RELN: variants seen among roughly 807,000 people sequenced by gnomAD.
The protein encoded by RELN is reelin.
Under a neutral mutation model 427.6 loss-of-function variants are expected in RELN, and 108 were observed. The observed-to-expected ratio is 0.25, with a 90% confidence interval of 0.22 to 0.30. RELN has a LOEUF of 0.30. Ranked by LOEUF, RELN falls within the 10% of genes least tolerant of loss-of-function variation. The pLI is 1.00. For synonymous variants in RELN, 1,524 were observed against 1,513.4 expected (o/e 1.01, Z -0.16); for missense variants, 3,715 against 4,302.8 (o/e 0.86, Z 3.82).
intron 2 of RELN, among the ~76,000 whole-genome samples, chr7:103,839,413 AG>A (rs1204955140): frequency 6.6e-6 from 1 of 151,156 alleles, no homozygotes; most frequent in Admixed American, 6.6e-5. Context: ...TGCAACTATT[AG>A]AAATCCATTG....
intron 8 of RELN, among the ~76,000 whole-genome samples, chr7:103,721,808 G>T (rs573151512): frequency 1.3e-5 from 2 of 152,032 alleles, no homozygotes; most frequent in Non-Finnish European, 1.5e-5. Flanking sequence ...CCATTATTCA[G>T]CTTATGTTAT....
At position 103,652,716 on chromosome 7, in the gene RELN, G is replaced by A; in HGVS notation, c.1598C>T (p.Thr533Ile). 1 of 1,612,876 alleles carries A rather than the reference G, an allele frequency of 6.2e-7. No homozygotes were observed. The highest frequency in any genetic ancestry group is 8.5e-7 in the Non-Finnish European group (1 of 1,179,216). ...VSVVINPELQ[T>I]PATKFCLRQK... Reference sequence around the variant, plus strand: ...CCTGAGACAAAATTTGGTAGCAGGAGTCTGAAGTTCAGGATTGATGACCAC... The same window carrying A: ...CCTGAGACAAAATTTGGTAGCAGGAATCTGAAGTTCAGGATTGATGACCAC... Residue 533 changes from threonine (T) to isoleucine (I), a missense_variant, in exon 14 of 65, where the codon ACT (threonine) becomes ATT (isoleucine). This residue lies in a region of RELN where 2,208 missense variants were observed against 2,361.7 expected (regional missense o/e 0.93). Coordinates refer to ENST00000428762, the MANE Select transcript of RELN (RefSeq NM_005045.4).
intron 1 of RELN, among the ~76,000 whole-genome samples, chr7:103,963,797 G>A (rs1796609576): frequency 6.6e-6 from 1 of 152,142 alleles, no homozygotes; most frequent in African/African-American, 2.4e-5. Context: ...GTAGAGTGCA[G>A]ATAGTTAAGT....
chr7:103,919,889 A>G (rs1795574666), intron 1 of RELN, among the ~76,000 whole-genome samples: 2 of 152,218 alleles, frequency 1.3e-5, no homozygotes, highest in African/African-American at 4.8e-5. Context: ...TGAGGTTCAC[A>G]CTTGTGAATG....
chr7:103,481,864 C>T (rs1237104694), intron 63 of RELN: 1 of 152,188 alleles, frequency 6.6e-6, no homozygotes, highest in Non-Finnish European at 1.5e-5. Context: ...TTACTTTAAA[C>T]TTCAACTTTG....
chr7:103,807,538 G>A (rs1792629728), intron 3 of RELN, among the ~76,000 whole-genome samples: 1 of 152,068 alleles, frequency 6.6e-6, no homozygotes, highest in Admixed American at 6.6e-5. Flanking sequence ...ACTGAGGCTT[G>A]GTGTACCAAT....
intron 63 of RELN, among the ~76,000 whole-genome samples, chr7:103,479,125 G>A (rs1037650364): frequency 6.6e-6 from 1 of 152,160 alleles, no homozygotes; most frequent in Non-Finnish European, 1.5e-5. Flanking sequence ...ACACATGACA[G>A]GTGTGACTTA....
chr7:103,650,526 A>G, intron 15 of RELN, 143 bp from the exon 16 acceptor site: 2 of 714,278 alleles, frequency 2.8e-6, no homozygotes, highest in South Asian at 3.0e-5. Context: ...TCACTTGTGG[A>G]ATTTGTTTGT....
chr7:103,620,475 ATT>A lies in RELN; in HGVS notation c.2703-8674_2703-8673del, dbSNP rs67744980. On this transcript the variant is annotated intron_variant, in intron 20 of 64. Transcript: ENST00000428762. The surrounding 1 kb of genome is among the most constrained non-coding windows in gnomAD (Gnocchi z 4.1). The stretch of plus-strand genomic sequence containing the variant: ...GTTGAAGATAACTCACCCGATCCAC[ATT>A]TTTTTTTTTTTTTTGAGATAGAGTC... Among the ~76,000 whole-genome samples the A allele has an allele frequency of 6.2e-3, 853 of 137,794 alleles. 4 individuals carry two copies. Among genetic ancestry groups the A allele is most frequent in the African/African-American group, 0.018 (661 of 36,774 alleles). The allele number at this position is 137,794 out of a possible 152,430, so 90.4% of individuals were successfully genotyped here.
At chr7:103,926,147 C>T (rs1795730636) in intron 1 of RELN, among the ~76,000 whole-genome samples, 1 of 128,580 alleles carries the variant, frequency 7.8e-6, no homozygotes. Flanking sequence ...TGTCTCCAGG[C>T]TGGAGTGCAG....
chr7:103,768,545 T>C (rs1353091926), intron 4 of RELN, among the ~76,000 whole-genome samples: 1 of 152,312 alleles, frequency 6.6e-6, no homozygotes, highest in African/African-American at 2.4e-5. Flanking sequence ...TCATGGTCCA[T>C]AGCAAACATT....
chr7:103,741,624 AG>A (rs1314292375), intron 6 of RELN, among the ~76,000 whole-genome samples: 4 of 149,560 alleles, frequency 2.7e-5, no homozygotes, highest in Non-Finnish European at 4.4e-5. Flanking sequence ...GAGAAGAGGG[AG>A]GAGAGGGAAC....
chr7:103,794,396 G>C (rs1792246136), intron 3 of RELN, among the ~76,000 whole-genome samples: 1 of 152,124 alleles, frequency 6.6e-6, no homozygotes, highest in African/African-American at 2.4e-5. Flanking sequence ...TCAGCAAGCT[G>C]TTTTATTCCT....
At chr7:103,611,465 T>G (rs1436830243) in intron 21 of RELN, 146 bp downstream of exon 21, 3 of 641,314 alleles carry the variant, frequency 4.7e-6, no homozygotes, top group Non-Finnish European at 8.2e-6. Context: ...GCTGACTTTA[T>G]GTTAATTCTA....
At chr7:103,828,741 A>T (rs1182303607) in intron 3 of RELN, among the ~76,000 whole-genome samples, 1 of 152,070 alleles carries the variant, frequency 6.6e-6, no homozygotes, top group East Asian at 1.9e-4. Flanking sequence ...CACATTTCAG[A>T]ATTTTAAAGT....
chr7:103,696,733 T>A (rs959140536), intron 10 of RELN, among the ~76,000 whole-genome samples: 5 of 152,114 alleles, frequency 3.3e-5, no homozygotes, highest in Admixed American at 1.3e-4. Flanking sequence ...TGAACTACTA[T>A]CATAAGCCTC....
chr7:103,967,391 G>C (rs1796680537), intron 1 of RELN, among the ~76,000 whole-genome samples: 1 of 152,042 alleles, frequency 6.6e-6, no homozygotes, highest in African/African-American at 2.4e-5. Context: ...TTCTTGTGGG[G>C]CTTTCCATGA....
chr7:103,815,028 A>T (rs1226466431), intron 3 of RELN, among the ~76,000 whole-genome samples: 1 of 152,186 alleles, frequency 6.6e-6, no homozygotes, highest in Non-Finnish European at 1.5e-5. Flanking sequence ...TTAAAATAGA[A>T]ATATGTTGGA....
chr7:103,917,998 G>A (rs1795525298), intron 1 of RELN, among the ~76,000 whole-genome samples: 1 of 152,020 alleles, frequency 6.6e-6, no homozygotes, highest in Admixed American at 6.6e-5. Context: ...ACCAAGGGAA[G>A]GTAATAATAT....
Sources: gnomAD v4.1 joint callset for allele counts (sites outside exome capture counted in the v4.1 genomes callset) on GRCh38, gnomAD v4.1.1 for gene constraint, gnomAD v4.1.1 regional missense constraint, Gnocchi (gnomAD v3.1) non-coding constraint, MANE v1.5 for transcripts, NCBI Gene and HGNC (gene_info 2026-07-23, HGNC 2026-07-21) for gene names.